The following KBTBD11 variants were observed in gnomAD, a reference collection of about 807,000 sequenced individuals.
KBTBD11 encodes kelch repeat and BTB domain-containing protein 11.
For synonymous variants in KBTBD11, 747 were observed against 499.0 expected (o/e 1.50, Z -6.63); for missense variants, 1,390 against 1,001.8 (o/e 1.39, Z -5.23).
intron 1 of KBTBD11, among the ~76,000 whole-genome samples, chr8:1,998,365 T>C (rs1248461223): frequency 1.3e-5 from 2 of 152,198 alleles, no homozygotes; most frequent in Non-Finnish European, 2.9e-5. Context: ...TCTTGCTTAA[T>C]TGTAGTTATA....
chr8:2,001,117 A>G lies in KBTBD11; in HGVS notation c.-76A>G. On this transcript the variant is annotated 5_prime_UTR_variant, in exon 2 of 2. Transcript: ENST00000320248. ...AAAGCTGTGAGGCTGGAAACCCCGG[A>G]GTAAGGCTCGACCTTGGCCAGACCT... is the stretch of plus-strand genomic sequence containing the variant. 7.9e-7 allele frequency: 1 copy of G among 1,265,786 alleles called. No homozygotes were observed. Among genetic ancestry groups the G allele is most frequent in the Non-Finnish European group, 9.9e-7 (1 of 1,006,160 alleles). The allele number at this position is 1,265,786 out of a possible 1,614,324, so 78.4% of individuals were successfully genotyped here.
At chr8:1,974,264 AGGCCCTC>A in intron 1 of KBTBD11, 17 of 977,858 alleles carry the variant, frequency 1.7e-5, no homozygotes, top group South Asian at 4.7e-5. Context: ...GGGTCTCCAC[AGGCCCTC>A]CCCCGGGACG....
At chr8:1,995,846 G>A (rs73538643) in intron 1 of KBTBD11, among the ~76,000 whole-genome samples, 12 of 152,222 alleles carry the variant, frequency 7.9e-5, no homozygotes, top group African/African-American at 2.4e-4. Flanking sequence ...GAAACATAGC[G>A]AGATCCTGTT....
Position 1,973,787 on chromosome 8 carries a change from G to C in KBTBD11, c.-1057G>C. The C allele has an allele frequency of 4.1e-6, 4 of 983,754 alleles. No individual in the cohort carries two copies. The highest frequency in any genetic ancestry group is 4.8e-6 in the Non-Finnish European group (4 of 829,318). 60.9% of individuals were successfully genotyped at this position (983,754 alleles called of 1,614,324 possible). A position where few individuals can be genotyped will look rare whatever the true frequency, so the allele number is the denominator to read the frequency against. ...CCTCTGCCGCCCACGCCCCGCTGCGGGTCGGAGGAGCAGCTCCCGCTCGCA... is the reference window on the plus strand; with the variant it reads ...CCTCTGCCGCCCACGCCCCGCTGCGCGTCGGAGGAGCAGCTCCCGCTCGCA... On this transcript the variant is annotated 5_prime_UTR_variant, in exon 1 of 2. Transcript: ENST00000320248.
At chr8:1,974,730 G>A in intron 1 of KBTBD11, 1 of 984,688 alleles carries the variant, frequency 1.0e-6, no homozygotes, top group Non-Finnish European at 1.2e-6. Flanking sequence ...TCTCAGGCGG[G>A]GCTCATTCTG....
rs547669907 is a variant in KBTBD11, at chr8:1,995,517, C to T, written c.-908-4768C>T. On this transcript the variant is annotated intron_variant, in intron 1 of 1. Transcript: ENST00000320248. Reference sequence around the variant, plus strand: ...ACTATTTTCTGTGCCTTAAAGCATACTGAGAAAATGTGGATCAGGGCTGGG... The same window carrying T: ...ACTATTTTCTGTGCCTTAAAGCATATTGAGAAAATGTGGATCAGGGCTGGG... 5.3e-5 allele frequency among the ~76,000 whole-genome samples: 8 copies of T among 152,188 alleles called. No homozygotes were observed. The East Asian group carries it at 1.5e-3, about 29-fold the overall frequency.
intron 1 of KBTBD11, among the ~76,000 whole-genome samples, chr8:1,987,268 A>G (rs1238684748): frequency 6.6e-6 from 1 of 152,182 alleles, no homozygotes; most frequent in Non-Finnish European, 1.5e-5. Context: ...TGCAACTGCA[A>G]AGCTTCCGAA....
chr8:1,991,359 C>T (rs1816909076), intron 1 of KBTBD11, among the ~76,000 whole-genome samples: 1 of 152,234 alleles, frequency 6.6e-6, no homozygotes, highest in South Asian at 2.1e-4. Flanking sequence ...TCCCCGCACG[C>T]TAGCCTAAGC....
In KBTBD11 at chr8:2,003,965, C is replaced by T. The variant is rs1817494830; in HGVS notation, c.*901C>T. 6.0e-6 allele frequency: 1 copy of T among 166,722 alleles called. No homozygotes were observed. Among genetic ancestry groups the T allele is most frequent in the African/African-American group, 2.4e-5 (1 of 41,402 alleles). The allele number at this position is 166,722 out of a possible 1,614,324, so 10.3% of individuals were successfully genotyped here. A position where few individuals can be genotyped will look rare whatever the true frequency, so the allele number is the denominator to read the frequency against. On this transcript the variant is annotated 3_prime_UTR_variant, in exon 2 of 2. Coordinates refer to ENST00000320248, the MANE Select transcript of KBTBD11 (RefSeq NM_014867.3). ...TAATCTGGAACGAGATAAAATATTC[C>T]TAAAAAGCGGGGAAAATCATTTTGC...
chr8:1,982,821 C>T (rs540196582), intron 1 of KBTBD11, among the ~76,000 whole-genome samples: 2 of 151,830 alleles, frequency 1.3e-5, no homozygotes, highest in South Asian at 4.2e-4. Context: ...CAGCTCACTG[C>T]AACTTCCACC....
Position 2,002,475 on chromosome 8 carries a change from A to ACG in KBTBD11, c.1284_1285dup (p.Asp429AlafsTer80). ...GAGTGCCTGCTCAGCGTGGAGCGCT[A>ACG]CGACCCGCGCGCCGACCGCTGGGCC... is the stretch of plus-strand genomic sequence containing the variant. On this transcript the variant is annotated frameshift_variant, in exon 2 of 2. Transcript: ENST00000320248. LOFTEE classifies it low-confidence loss of function (END_TRUNC). The surrounding 1 kb of genome is among the most constrained non-coding windows in gnomAD (Gnocchi z 4.1). The ACG allele has an allele frequency of 6.6e-7, 1 of 1,510,216 alleles. No individual in the cohort carries two copies. The highest frequency in any genetic ancestry group is 1.2e-5 in the South Asian group (1 of 81,604). 93.6% of individuals were successfully genotyped at this position (1,510,216 alleles called of 1,614,324 possible). A position where few individuals can be genotyped will look rare whatever the true frequency, so the allele number is the denominator to read the frequency against.
chr8:1,994,894 A>G (rs1047397378), intron 1 of KBTBD11, among the ~76,000 whole-genome samples: 2 of 152,126 alleles, frequency 1.3e-5, no homozygotes, highest in Admixed American at 6.5e-5. Context: ...CTCCGTCTCT[A>G]CTAAAAATAC....
chr8:1,994,224 G>A (rs1388331996), intron 1 of KBTBD11, among the ~76,000 whole-genome samples: 1 of 151,408 alleles, frequency 6.6e-6, no homozygotes, highest in Non-Finnish European at 1.5e-5. Context: ...CCCCAGGAGG[G>A]CAGGTGGGGG....
intron 1 of KBTBD11, among the ~76,000 whole-genome samples, chr8:1,977,821 C>T (rs1816401023): frequency 6.6e-6 from 1 of 152,184 alleles, no homozygotes; most frequent in South Asian, 2.1e-4. Context: ...CAGGCATGAA[C>T]CACCACTCCC....
chr8:1,994,476 C>T (rs1388692762), intron 1 of KBTBD11, among the ~76,000 whole-genome samples: 11 of 152,232 alleles, frequency 7.2e-5, no homozygotes, highest in Non-Finnish European at 1.5e-4. Flanking sequence ...TGTCATGGCA[C>T]GGTGGCTGAT....
Position 2,001,955 on chromosome 8 carries a change from G to GC in KBTBD11, c.765dup (p.Tyr256LeufsTer196). On this transcript the variant is annotated frameshift_variant, in exon 2 of 2. Transcript: ENST00000320248. LOFTEE classifies it low-confidence loss of function (END_TRUNC). ...GCGGCTGAACGAGCTGCGCGACGCC[G>GC]CCTACTGCTTCATGAGCGACCACTA... The GC allele has an allele frequency of 6.8e-7, 1 of 1,473,480 alleles. No individual in the cohort carries two copies. Among genetic ancestry groups the GC allele is most frequent in the Non-Finnish European group, 9.0e-7 (1 of 1,109,502 alleles). 91.3% of individuals were successfully genotyped at this position (1,473,480 alleles called of 1,614,324 possible). A position where few individuals can be genotyped will look rare whatever the true frequency, so the allele number is the denominator to read the frequency against.
At chr8:1,982,862 A>G (rs1816585623) in intron 1 of KBTBD11, among the ~76,000 whole-genome samples, 1 of 151,496 alleles carries the variant, frequency 6.6e-6, no homozygotes, top group Non-Finnish European at 1.5e-5. Context: ...AGTAGCTGGG[A>G]TTATAGGCAC....
chr8:1,979,818 G>T (rs576420172), intron 1 of KBTBD11, among the ~76,000 whole-genome samples: 4 of 152,354 alleles, frequency 2.6e-5, no homozygotes, highest in South Asian at 4.1e-4. Flanking sequence ...TGGCAGCCTC[G>T]GGACAGGGCT....
chr8:2,002,169 C>A lies in KBTBD11; in HGVS notation c.977C>A (p.Ala326Asp). Reference sequence around the variant, plus strand: ...GACGCGGACGCGCGCGGGGACGCGGCCGTCTACTGCTTCCACGCGGCGGCC... The same window carrying A: ...GACGCGGACGCGCGCGGGGACGCGGACGTCTACTGCTTCCACGCGGCGGCC... The part of the protein sequence containing the change: ...SGDADARGDA[A>D]VYCFHAAAGE... Residue 326 changes from alanine (A) to aspartate (D), a missense_variant, in exon 2 of 2, where the codon GCC becomes GAC. Physicochemically the swap from Ala to Asp is moderately radical, Grantham distance 126 (BLOSUM62 -2). Coordinates refer to ENST00000320248, the MANE Select transcript of KBTBD11 (RefSeq NM_014867.3). This position sits in a 1 kb window ranked among gnomAD's most constrained non-coding sequence, Gnocchi z 4.1. The A allele has an allele frequency of 8.2e-7, 1 of 1,219,178 alleles. No homozygotes were observed. The highest frequency in any genetic ancestry group is 1.0e-6 in the Non-Finnish European group (1 of 982,048). 75.5% of individuals were successfully genotyped at this position (1,219,178 alleles called of 1,614,324 possible). A position where few individuals can be genotyped will look rare whatever the true frequency, so the allele number is the denominator to read the frequency against.
Sources: gnomAD v4.1 joint callset for allele counts (sites outside exome capture counted in the v4.1 genomes callset) on GRCh38, gnomAD v4.1.1 for gene constraint, Gnocchi (gnomAD v3.1) non-coding constraint, MANE v1.5 for transcripts, NCBI Gene and HGNC (gene_info 2026-07-23, HGNC 2026-07-21) for gene names.